The following CPS1 variants were observed in gnomAD, a reference collection of about 807,000 sequenced individuals.
CPS1 encodes the protein carbamoyl-phosphate synthase 1.
A neutral mutation model predicts 174.6 loss-of-function variants in CPS1; 109 were observed. The observed-to-expected ratio is 0.62, with a 90% CI of 0.53 to 0.73. The LOEUF (loss-of-function observed/expected upper bound fraction) is 0.73, where lower values mean the gene tolerates loss of function less well. Among genes scored for constraint, CPS1 ranks in the 30% least tolerant of loss-of-function variants. CPS1 has a pLI of 0.00. For synonymous variants in CPS1, 637 were observed against 632.0 expected (o/e 1.01, Z -0.12); for missense variants, 1,689 against 1,821.9 (o/e 0.93, Z 1.33).
intron 1 of CPS1, among the ~76,000 whole-genome samples, chr2:210,566,276 G>A (rs1018430480): frequency 9.2e-5 from 14 of 152,136 alleles, no homozygotes; most frequent in Non-Finnish European, 1.9e-4. Context: ...GGGGAAAAGG[G>A]AGGGGGGACT....
At chr2:210,651,856 G>A (rs146960319) in intron 28 of CPS1, among the ~76,000 whole-genome samples, 160 of 152,258 alleles carry the variant, frequency 1.1e-3, no homozygotes, top group African/African-American at 3.5e-3. Flanking sequence ...GTTATATGGT[G>A]GCATTGTTCT....
intron 6 of CPS1, among the ~76,000 whole-genome samples, chr2:210,587,748 G>C (rs1444462465): frequency 2.6e-5 from 4 of 152,106 alleles, no homozygotes; most frequent in Non-Finnish European, 4.4e-5. Context: ...GCTACCAGTT[G>C]TTAATGAGGC....
chr2:210,547,735 AT>A (rs1354107371), intron 1 of CPS1, among the ~76,000 whole-genome samples: 1 of 152,028 alleles, frequency 6.6e-6, no homozygotes, highest in Non-Finnish European at 1.5e-5. Flanking sequence ...TCTTTTACTT[AT>A]TTTTATTTGT....
At chr2:210,578,500 T>C (rs1697788045) in intron 4 of CPS1, among the ~76,000 whole-genome samples, 1 of 152,226 alleles carries the variant, frequency 6.6e-6, no homozygotes, top group Non-Finnish European at 1.5e-5. Flanking sequence ...TTCAATTAAC[T>C]TCATCTCCAG....
intron 23 of CPS1, among the ~76,000 whole-genome samples, 184 bp from the exon 24 acceptor site, chr2:210,639,812 A>AT (rs1306960559): frequency 6.6e-6 from 1 of 152,098 alleles, no homozygotes; most frequent in South Asian, 2.1e-4. Context: ...TGCCATATCT[A>AT]TTTTTTATAA....
Position 210,606,942 on chromosome 2 carries a change from G to A in CPS1, c.2192+1G>A. Reference sequence around the variant, plus strand: ...CTGCTCTGGCCTCAAAAGCCACTGGGTAAGACCAGAATAATTGACCATGGG... The same window carrying A: ...CTGCTCTGGCCTCAAAAGCCACTGGATAAGACCAGAATAATTGACCATGGG... On this transcript the variant is annotated splice_donor_variant, in intron 18 of 37. Coordinates refer to ENST00000233072, the MANE Select transcript of CPS1 (RefSeq NM_001875.5). LOFTEE classifies it high-confidence loss of function. 6.2e-7 allele frequency: 1 copy of A among 1,611,002 alleles called. No individual in the cohort carries two copies. Among genetic ancestry groups the A allele is most frequent in the African/African-American group, 1.3e-5 (1 of 74,890 alleles).
intron 1 of CPS1, among the ~76,000 whole-genome samples, chr2:210,562,313 A>G (rs1697128954): frequency 6.6e-6 from 1 of 152,166 alleles, no homozygotes; most frequent in South Asian, 2.1e-4. Flanking sequence ...ACTTAATATT[A>G]ACTTGGAATG....
At chr2:210,650,565 C>A in intron 28 of CPS1, 127 bp downstream of exon 28, 1 of 786,136 alleles carries the variant, frequency 1.3e-6, no homozygotes, top group Non-Finnish European at 2.2e-6. Context: ...TCTTTTCACA[C>A]AATGTGTTAG....
chr2:210,584,928 C>T (rs764304563), intron 6 of CPS1, among the ~76,000 whole-genome samples: 19 of 152,036 alleles, frequency 1.2e-4, no homozygotes, highest in African/African-American at 3.1e-4. Flanking sequence ...TGCTTCTCTA[C>T]GTAGAAATCT....
At chr2:210,490,010 AAAAAAG>A (rs1694828266) in intron 1 of CPS1, among the ~76,000 whole-genome samples, 1 of 151,640 alleles carries the variant, frequency 6.6e-6, no homozygotes, top group East Asian at 1.9e-4. Context: ...AAAAAAAAAA[AAAAAAG>A]GAAGGAAGGA....
chr2:210,578,404 G>A (rs1240715467), intron 4 of CPS1, among the ~76,000 whole-genome samples: 2 of 151,986 alleles, frequency 1.3e-5, no homozygotes, highest in African/African-American at 2.4e-5. Context: ...ATGAGCCACC[G>A]CGCCCAGCCA....
chr2:210,520,894 T>A (rs1206512371), intron 1 of CPS1, among the ~76,000 whole-genome samples: 1 of 152,072 alleles, frequency 6.6e-6, no homozygotes, highest in Non-Finnish European at 1.5e-5. Flanking sequence ...TACTACAAAA[T>A]AAAGCTGCTA....
Position 210,596,813 on chromosome 2 carries a change from T to C in CPS1, c.1359+1231T>C, listed in dbSNP as rs1698496646. On this transcript the variant is annotated intron_variant, in intron 13 of 37. Coordinates refer to ENST00000233072, the MANE Select transcript of CPS1 (RefSeq NM_001875.5). Reference sequence around the variant, plus strand: ...GCAAATAATTAGAATTTCTATAGTTTTGTATTTTAATGTGTTTTACATCAA... The same window carrying C: ...GCAAATAATTAGAATTTCTATAGTTCTGTATTTTAATGTGTTTTACATCAA... 2.6e-5 allele frequency among the ~76,000 whole-genome samples: 4 copies of C among 152,038 alleles called. No individual in the cohort carries two copies. In the South Asian group the frequency reaches 8.3e-4, roughly 31 times the overall value.
At chr2:210,607,045 CT>C in intron 18 of CPS1, 104 bp downstream of exon 18, 2 of 1,036,234 alleles carry the variant, frequency 1.9e-6, no homozygotes, top group Non-Finnish European at 2.9e-6. Context: ...ACTATGTTCC[CT>C]TTTTCTGTAT....
chr2:210,642,741 T>C, intron 25 of CPS1, 76 bp downstream of exon 25: 11 of 1,298,548 alleles, frequency 8.5e-6, no homozygotes, highest in Middle Eastern at 2.4e-4. Context: ...ATATGCATTC[T>C]GGTATATAGA....
intron 1 of CPS1, among the ~76,000 whole-genome samples, chr2:210,547,167 TA>T (rs1246972852): frequency 6.6e-6 from 1 of 152,056 alleles, no homozygotes; most frequent in Non-Finnish European, 1.5e-5. Flanking sequence ...AAATAGAAGT[TA>T]AAAAAATGGT....
chr2:210,515,317 C>G (rs944122468), intron 1 of CPS1, among the ~76,000 whole-genome samples: 23 of 150,310 alleles, frequency 1.5e-4, no homozygotes, highest in African/African-American at 5.6e-4. Context: ...TGCTGTGAAT[C>G]TATTTGCTGT....
At chr2:210,489,915 G>A (rs934492004) in intron 1 of CPS1, among the ~76,000 whole-genome samples, 3 of 150,914 alleles carry the variant, frequency 2.0e-5, no homozygotes, top group Admixed American at 6.6e-5. Flanking sequence ...GGAGAATGGC[G>A]TGAACCCGGG....
rs1156550306 is a variant in CPS1, at chr2:210,679,077, A to G, written c.*1092A>G. 6.6e-6 allele frequency: 1 copy of G among 152,200 alleles called. No individual in the cohort carries two copies. The highest frequency in any genetic ancestry group is 1.9e-4 in the East Asian group (1 of 5,200). The allele number at this position is 152,200 out of a possible 1,614,324, so 9.4% of individuals were successfully genotyped here. Reference sequence around the variant, plus strand: ...TGTTATTACAAGTGCTCTAATTGTGAACTTTTAAATAAAATACTATTAAGA... The same window carrying G: ...TGTTATTACAAGTGCTCTAATTGTGGACTTTTAAATAAAATACTATTAAGA... On this transcript the variant is annotated 3_prime_UTR_variant, in exon 38 of 38. Coordinates refer to ENST00000233072, the MANE Select transcript of CPS1 (RefSeq NM_001875.5).
Sources: allele counts gnomAD v4.1 joint callset (sites outside exome capture counted in the v4.1 genomes callset), GRCh38; gene constraint gnomAD v4.1.1; transcripts MANE v1.5; gene names NCBI Gene and HGNC (gene_info 2026-07-23, HGNC 2026-07-21).